NTM: variants seen among roughly 807,000 people sequenced by gnomAD.
NTM encodes the protein IgLON family member 2.
NTM carries 13 observed loss-of-function variants against 42.1 expected under a neutral mutation model. That is an observed-to-expected ratio of 0.31 (90% confidence interval 0.20 to 0.49). The LOEUF (loss-of-function observed/expected upper bound fraction) is 0.49. Among genes scored for constraint, NTM ranks in the 20% least tolerant of loss-of-function variants. NTM has a pLI of 0.99. For missense variants in NTM, 373 were observed against 452.8 expected (o/e 0.82, Z 1.60); for synonymous variants, 187 against 179.2 (o/e 1.04, Z -0.35).
chr11:131,783,495 G>A (rs1289449074), intron 1 of NTM, among the ~76,000 whole-genome samples: 1 of 152,084 alleles, frequency 6.6e-6, no homozygotes, highest in Non-Finnish European at 1.5e-5. Context: ...ATACACATAT[G>A]TTCCACTGAT....
rs186821862 is a variant in NTM at position 131,944,110 on chromosome 11, C to G, written c.167+32462C>G. ...AAAACGGCTAGTAATTTGAAGACAACCTATGTGACACTGATATGCTTTTGG... is the reference window on the plus strand; with the variant it reads ...AAAACGGCTAGTAATTTGAAGACAAGCTATGTGACACTGATATGCTTTTGG... On this transcript the variant is annotated intron_variant, in intron 2 of 8. Transcript: ENST00000683400. Among the ~76,000 whole-genome samples, 5 of 152,102 alleles carry G rather than the reference C, an allele frequency of 3.3e-5. No homozygotes were observed. In the South Asian group the frequency reaches 6.2e-4, roughly 19 times the overall value.
chr11:131,795,766 G>T (rs1366695108), intron 1 of NTM: 5 of 985,400 alleles, frequency 5.1e-6, no homozygotes, highest in Non-Finnish European at 4.8e-6. Context: ...ATACTGCCTT[G>T]TGGGAGCAGT....
chr11:131,754,224 T>C (rs2082993011), intron 1 of NTM, among the ~76,000 whole-genome samples: 2 of 151,872 alleles, frequency 1.3e-5, no homozygotes, highest in East Asian at 1.9e-4. Flanking sequence ...ATGACACATG[T>C]ATACATATGT....
intron 4 of NTM, among the ~76,000 whole-genome samples, chr11:132,241,363 T>C (rs2090157400): frequency 6.6e-6 from 1 of 152,250 alleles, no homozygotes; most frequent in Admixed American, 6.5e-5. Context: ...TGATTGGTGC[T>C]CTGAGGCCAA....
intron 2 of NTM, among the ~76,000 whole-genome samples, chr11:132,066,094 T>C (rs1207279006): frequency 1.3e-5 from 2 of 152,194 alleles, no homozygotes; most frequent in African/African-American, 2.4e-5. Flanking sequence ...ACCTCTAACA[T>C]GATGCCTACT....
intron 3 of NTM, among the ~76,000 whole-genome samples, chr11:132,161,375 T>C (rs2074239158): frequency 7.1e-6 from 1 of 141,284 alleles, no homozygotes; most frequent in Non-Finnish European, 1.6e-5. Context: ...AGCAGCTTTT[T>C]TTTTTTTTTT....
chr11:132,000,381 G>C (rs542817919), intron 2 of NTM, among the ~76,000 whole-genome samples: 1 of 152,288 alleles, frequency 6.6e-6, no homozygotes, highest in Admixed American at 6.5e-5. Context: ...TGTGGTTTTT[G>C]CTACTCCTTC....
intron 1 of NTM, among the ~76,000 whole-genome samples, chr11:131,639,931 G>A (rs1350068002): frequency 6.6e-6 from 1 of 151,916 alleles, no homozygotes; most frequent in Non-Finnish European, 1.5e-5. Context: ...ACTCCAGCCT[G>A]GGTGACAGAG....
chr11:131,972,041 T>TAAAAAAAAAAA (rs1565855593), intron 2 of NTM, among the ~76,000 whole-genome samples: 1 of 17,050 alleles, frequency 5.9e-5, no homozygotes, highest in Non-Finnish European at 1.1e-4. Flanking sequence ...AGACTCCGTC[T>TAAAAAAAAAAA]CAAAAAAAAA....
intron 1 of NTM, among the ~76,000 whole-genome samples, chr11:131,632,673 C>CTTTGTTTTTTTT (rs2063772000): frequency 1.2e-5 from 1 of 83,060 alleles, no homozygotes; most frequent in Non-Finnish European, 2.1e-5. Context: ...GCTCGGGCAG[C>CTTTGTTTTTTTT]TTTTTTTTTT....
intron 1 of NTM, among the ~76,000 whole-genome samples, chr11:131,652,171 A>G (rs950607305): frequency 6.6e-6 from 1 of 152,232 alleles, no homozygotes; most frequent in Non-Finnish European, 1.5e-5. Context: ...ATGTAAAAGA[A>G]GATTGGCCCC....
At chr11:132,185,208 A>G (rs911229038) in intron 3 of NTM, among the ~76,000 whole-genome samples, 2 of 151,104 alleles carry the variant, frequency 1.3e-5, no homozygotes, top group Non-Finnish European at 2.9e-5. Context: ...TGTCACTCTC[A>G]CTCCCCCCAT....
chr11:131,424,600 C>CTTTTCTTTTTTTTT (rs1555108116), intron 1 of NTM, among the ~76,000 whole-genome samples: 21 of 56,052 alleles, frequency 3.7e-4, no homozygotes, highest in Non-Finnish European at 4.7e-4. Context: ...CTTTTCTTTT[C>CTTTTCTTTTTTTTT]TTTTTTTTTT....
chr11:131,702,690 A>G (rs2076197327), intron 1 of NTM, among the ~76,000 whole-genome samples: 1 of 152,244 alleles, frequency 6.6e-6, no homozygotes, highest in Non-Finnish European at 1.5e-5. Context: ...TTTTAAGGCA[A>G]TTTTAAACAA....
At chr11:132,303,939 G>C (rs934779926) in intron 4 of NTM, among the ~76,000 whole-genome samples, 2 of 152,132 alleles carry the variant, frequency 1.3e-5, no homozygotes, top group Non-Finnish European at 2.9e-5. Context: ...ACGTTATTCT[G>C]ATTGTGCAGA....
At chr11:131,381,046 C>A (rs530733679) in intron 1 of NTM, among the ~76,000 whole-genome samples, 26 of 152,228 alleles carry the variant, frequency 1.7e-4, no homozygotes, top group Non-Finnish European at 2.8e-4. Context: ...ACTTGTGGAG[C>A]TCAGTATTTC....
chr11:132,063,081 AG>A (rs2080927345), intron 2 of NTM, among the ~76,000 whole-genome samples: 1 of 152,080 alleles, frequency 6.6e-6, no homozygotes, highest in African/African-American at 2.4e-5. Flanking sequence ...ATGTCTCATC[AG>A]GTTCTGTGTC....
At chr11:132,141,255 C>T (rs1041010964) in intron 2 of NTM, among the ~76,000 whole-genome samples, 1 of 151,902 alleles carries the variant, frequency 6.6e-6, no homozygotes, top group Non-Finnish European at 1.5e-5. Context: ...CTCTCTCCCT[C>T]TCTCTCCCCC....
chr11:131,530,425 C>CA (rs60376694), intron 1 of NTM, among the ~76,000 whole-genome samples: 9,697 of 84,804 alleles, frequency 0.11, 764 homozygotes, highest in African/African-American at 0.24. Flanking sequence ...GTGCCTTTCT[C>CA]AAAAAAAAAA....
Sources: gnomAD v4.1 joint callset for allele counts (sites outside exome capture counted in the v4.1 genomes callset) on GRCh38, gnomAD v4.1.1 for gene constraint, MANE v1.5 for transcripts, NCBI Gene and HGNC (gene_info 2026-07-23, HGNC 2026-07-21) for gene names.